Variants in SEPTIN14 observed in about 807,000 individuals in gnomAD.
The protein encoded by SEPTIN14 is septin 14, also known as septin-14.
In SEPTIN14, 40 loss-of-function variants were observed where a neutral mutation model predicts 53.6. The observed-to-expected ratio is 0.75, with a 90% CI of 0.58 to 0.97. The LOEUF (loss-of-function observed/expected upper bound fraction) is 0.97. Ranked by LOEUF, SEPTIN14 falls within the 50% of genes least tolerant of loss-of-function variation. SEPTIN14 has a pLI of 0.00. For synonymous variants in SEPTIN14, 138 were observed against 166.8 expected (o/e 0.83, Z 1.33); for missense variants, 471 against 508.2 (o/e 0.93, Z 0.70).
In SEPTIN14 at chr7:55,796,001, A is replaced by G. The variant is rs545843506; in HGVS notation, c.1211T>C (p.Ile404Thr). The G allele has an allele frequency of 6.4e-7, 1 of 1,572,138 alleles. No individual in the cohort carries two copies. Among genetic ancestry groups the G allele is most frequent in the Non-Finnish European group, 8.6e-7 (1 of 1,157,880 alleles). Residue 404 changes from isoleucine (I) to threonine (T), a missense_variant, in exon 10 of 10, where the codon ATA becomes ACA. Physicochemically the swap from Ile to Thr is moderately conservative, Grantham distance 89. Coordinates refer to ENST00000388975, the MANE Select transcript of SEPTIN14 (RefSeq NM_207366.3). ...GGCAGCTTTCATTTTATAAAAATCT[A>G]TGATTTCTCCTTCCAGTTGTTTTTT... is the stretch of plus-strand genomic sequence containing the variant. ...EEKKQLEGEI[I>T]DFYKMKAASE...
In SEPTIN14 at chr7:55,843,621, C is replaced by T. The variant is rs999519907; in HGVS notation, c.372-493G>A. Among the ~76,000 whole-genome samples, 6 of 152,156 alleles carry T rather than the reference C, an allele frequency of 3.9e-5. No individual in the cohort carries two copies. The East Asian group carries it at 1.2e-3, about 29-fold the overall frequency. Reference sequence around the variant, plus strand: ...GGCCAAGGTGGGTGGATCACGAGGTCAGGAGTTCAAGACCATCCTGGCTAA... The same window carrying T: ...GGCCAAGGTGGGTGGATCACGAGGTTAGGAGTTCAAGACCATCCTGGCTAA... On this transcript the variant is annotated intron_variant, in intron 4 of 9. Transcript: ENST00000388975.
intron 7 of SEPTIN14, among the ~76,000 whole-genome samples, chr7:55,808,462 T>G (rs920767807): frequency 1.3e-5 from 2 of 152,218 alleles, no homozygotes; most frequent in African/African-American, 4.8e-5. Context: ...CCAATGATGT[T>G]TAAGAATTCC....
intron 6 of SEPTIN14, among the ~76,000 whole-genome samples, chr7:55,822,306 T>A (rs991337146): frequency 6.6e-5 from 10 of 152,190 alleles, no homozygotes; most frequent in African/African-American, 2.4e-4. Flanking sequence ...AAAGACTCAA[T>A]ATTGTCAAGA....
At chr7:55,814,506 C>T (rs35420423) in intron 7 of SEPTIN14, among the ~76,000 whole-genome samples, 2,945 of 152,056 alleles carry the variant, frequency 0.019, 37 homozygotes, top group Middle Eastern at 0.027. Flanking sequence ...TTATTATATG[C>T]CAACAGTGAA....
At chr7:55,857,808 C>T (rs943792274) in intron 2 of SEPTIN14, among the ~76,000 whole-genome samples, 1 of 150,870 alleles carries the variant, frequency 6.6e-6, no homozygotes, top group South Asian at 2.1e-4. Context: ...AGGATGGTCT[C>T]GATCTCCTGA....
intron 2 of SEPTIN14, among the ~76,000 whole-genome samples, chr7:55,860,311 T>C (rs1789721762): frequency 1.3e-5 from 2 of 152,146 alleles, no homozygotes; most frequent in South Asian, 4.1e-4. Flanking sequence ...ATGTCACTCA[T>C]ATGCATCAGC....
At chr7:55,830,345 A>ATTTTTT (rs1337453699) in intron 6 of SEPTIN14, among the ~76,000 whole-genome samples, 7 of 40,102 alleles carry the variant, frequency 1.7e-4, no homozygotes, top group Admixed American at 3.2e-4. Flanking sequence ...ATATATATAT[A>ATTTTTT]TATATTTTTT....
chr7:55,851,737 G>A (rs530051632), intron 2 of SEPTIN14, among the ~76,000 whole-genome samples: 23 of 151,956 alleles, frequency 1.5e-4, no homozygotes, highest in Non-Finnish European at 2.1e-4. Flanking sequence ...GGCCGGGCGC[G>A]GTGGCTCACA....
intron 9 of SEPTIN14, among the ~76,000 whole-genome samples, chr7:55,802,459 C>T (rs956337351): frequency 2.6e-5 from 4 of 152,196 alleles, no homozygotes; most frequent in Admixed American, 6.6e-5. Context: ...TGAATTAGAT[C>T]GCACATTAAA....
At chr7:55,827,511 G>C (rs1462431621) in intron 6 of SEPTIN14, among the ~76,000 whole-genome samples, 1 of 152,182 alleles carries the variant, frequency 6.6e-6, no homozygotes, top group Non-Finnish European at 1.5e-5. Flanking sequence ...ACAGGAGGTA[G>C]AGCTGGTACA....
At chr7:55,844,759 G>C (rs1389954267) in intron 3 of SEPTIN14, 41 bp from the exon 4 acceptor site, 2 of 1,124,032 alleles carry the variant, frequency 1.8e-6, no homozygotes, top group Non-Finnish European at 1.2e-6. Context: ...GACATAAAGG[G>C]GCTAAGAAAA....
At chr7:55,830,349 A>ATTTTTTTTTTTTTTTTTTTTT (rs1216458496) in intron 6 of SEPTIN14, among the ~76,000 whole-genome samples, 5 of 56,850 alleles carry the variant, frequency 8.8e-5, no homozygotes, top group African/African-American at 5.0e-4. Context: ...ATATATATAT[A>ATTTTTTTTTTTTTTTTTTTTT]TTTTTTTTTT....
chr7:55,810,475 CTTT>C (rs145847718), intron 7 of SEPTIN14, among the ~76,000 whole-genome samples: 3 of 124,880 alleles, frequency 2.4e-5, no homozygotes, highest in Non-Finnish European at 3.3e-5. Context: ...TTTTGAAGTT[CTTT>C]TTTTTTTTTT....
intron 9 of SEPTIN14, among the ~76,000 whole-genome samples, chr7:55,803,549 A>G (rs1462886935): frequency 6.6e-6 from 1 of 152,200 alleles, no homozygotes; most frequent in African/African-American, 2.4e-5. Flanking sequence ...TGGTTCAGCA[A>G]CCCCACTAAT....
chr7:55,825,805 T>C (rs1263471481), intron 6 of SEPTIN14, among the ~76,000 whole-genome samples: 2 of 151,424 alleles, frequency 1.3e-5, no homozygotes, highest in Non-Finnish European at 2.9e-5. Context: ...CCACCTCTAC[T>C]AAAAATACAA....
intron 2 of SEPTIN14, among the ~76,000 whole-genome samples, chr7:55,851,733 G>A (rs934021756): frequency 2.0e-5 from 3 of 152,274 alleles, no homozygotes. Context: ...AATAGGCCGG[G>A]CGCGGTGGCT....
chr7:55,796,541 T>G (rs1788435242), intron 9 of SEPTIN14, among the ~76,000 whole-genome samples: 1 of 151,670 alleles, frequency 6.6e-6, no homozygotes, highest in African/African-American at 2.4e-5. Flanking sequence ...TTTTTTAATA[T>G]AGAAGCAAGG....
At chr7:55,821,037 A>G (rs1562710542) in intron 6 of SEPTIN14, among the ~76,000 whole-genome samples, 2 of 152,226 alleles carry the variant, frequency 1.3e-5, no homozygotes, top group Non-Finnish European at 2.9e-5. Context: ...AAAGAGTTTC[A>G]TCATCTTTAT....
chr7:55,837,952 A>C (rs540964324), intron 5 of SEPTIN14, among the ~76,000 whole-genome samples: 4 of 152,320 alleles, frequency 2.6e-5, no homozygotes, highest in African/African-American at 9.6e-5. Context: ...GCAAGTGATA[A>C]AGCAAATATT....
Sources: gnomAD v4.1 joint callset for allele counts (sites outside exome capture counted in the v4.1 genomes callset) on GRCh38, gnomAD v4.1.1 for gene constraint, MANE v1.5 for transcripts, NCBI Gene and HGNC (gene_info 2026-07-23, HGNC 2026-07-21) for gene names.